IQCB1: variants seen among roughly 807,000 people sequenced by gnomAD.
The protein encoded by IQCB1 is IQ calmodulin-binding motif-containing protein 1.
A neutral mutation model predicts 84.4 loss-of-function variants in IQCB1; 56 were observed. The observed-to-expected ratio is 0.66, with a 90% CI of 0.54 to 0.83. The LOEUF (loss-of-function observed/expected upper bound fraction) is 0.83. Among genes scored for constraint, IQCB1 ranks in the 40% least tolerant of loss-of-function variants. The pLI, the probability that IQCB1 is intolerant of heterozygous loss-of-function variation, is 0.00. For missense variants in IQCB1, 629 were observed against 682.1 expected, an observed-to-expected ratio of 0.92 and a Z score of 0.87; for synonymous variants, 210 against 234.8, an observed-to-expected ratio of 0.89 and a Z score of 0.96.
rs750584360 is a variant in IQCB1, at chr3:121,770,461, G to T, written c.1681C>A (p.Gln561Lys). 2 of 1,614,200 alleles carry T rather than the reference G, an allele frequency of 1.2e-6. No homozygotes were observed. Among genetic ancestry groups the T allele is most frequent in the South Asian group, 2.2e-5 (2 of 91,084 alleles). The change falls in exon 15 of 15, where the codon CAA becomes AAA. Residue 561 changes from glutamine (Q) to lysine (K), a missense_variant. Transcript: ENST00000310864. ...QAHLTTLKHIQAPWWKKLGEE... is the reference protein window; with the variant it reads ...QAHLTTLKHIKAPWWKKLGEE... ...CCAAGCTTCTTCCACCAGGGTGCTT[G>T]TATGTGCTTCAGGGTTGTGAGATGG...
chr3:121,770,686 G>A lies in IQCB1; in HGVS notation c.1568-112C>T, dbSNP rs919244680. ...CAGGCAGAAACAGCATTCCAACTCT[G>A]AATGTACTACTTTTGAGAAAGGGTC... On this transcript the variant is annotated intron_variant, in intron 14 of 14. Coordinates refer to ENST00000310864, the MANE Select transcript of IQCB1 (RefSeq NM_001023570.4). 5 of 835,008 alleles carry A rather than the reference G, an allele frequency of 6.0e-6. No individual in the cohort carries two copies. The African/African-American group carries it at 6.6e-5, about 11-fold the overall frequency. 51.7% of individuals were successfully genotyped at this position (835,008 alleles called of 1,614,324 possible).
At chr3:121,793,727 G>A (rs552757460) in intron 10 of IQCB1, among the ~76,000 whole-genome samples, 20 of 152,212 alleles carry the variant, frequency 1.3e-4, no homozygotes, top group Admixed American at 6.5e-4. Context: ...CTTTTTAATG[G>A]AAGTATTTAT....
At chr3:121,793,289 A>G (rs921672290) in intron 10 of IQCB1, among the ~76,000 whole-genome samples, 12 of 152,312 alleles carry the variant, frequency 7.9e-5, no homozygotes, top group African/African-American at 2.6e-4. Flanking sequence ...TGAATACGAG[A>G]AATGACTAAA....
intron 7 of IQCB1, among the ~76,000 whole-genome samples, chr3:121,801,640 C>T (rs1258594162): frequency 6.6e-6 from 1 of 151,972 alleles, no homozygotes; most frequent in Non-Finnish European, 1.5e-5. Context: ...ATCAGTTTGA[C>T]ATGTTTCACC....
rs772003773 is a variant in IQCB1, at chr3:121,781,818, T to A, written c.1335A>T (p.Arg445=). The A allele has an allele frequency of 1.1e-4, 171 of 1,613,878 alleles. No individual in the cohort carries two copies. The highest frequency in any genetic ancestry group is 1.6e-4 in the Middle Eastern group (1 of 6,062). The change falls in exon 13 of 15, where the codon CGA becomes CGT. Residue 445 remains arginine (R), a synonymous_variant. Transcript: ENST00000310864. ...GTGCATCAGTGAGTTCTTGGAGTCC[T>A]CGCCAAGGAGCAAATAGTTTCTTTT... ...RKKKKLFAPW[R]GLQELTDARR...
chr3:121,797,352 T>C (rs1949240124), intron 8 of IQCB1, 125 bp from the exon 9 acceptor site: 3 of 523,282 alleles, frequency 5.7e-6, no homozygotes, highest in Admixed American at 3.4e-5. Context: ...AGATTAATCA[T>C]ATGATTTTTC....
At chr3:121,821,719 A>G (rs1219895983) in intron 5 of IQCB1, among the ~76,000 whole-genome samples, 1 of 152,188 alleles carries the variant, frequency 6.6e-6, no homozygotes, top group African/African-American at 2.4e-5. Context: ...GACCAAATGT[A>G]TAAACTCGGG....
intron 8 of IQCB1, among the ~76,000 whole-genome samples, chr3:121,798,471 A>C (rs533247934): frequency 1.3e-5 from 2 of 151,940 alleles, no homozygotes; most frequent in South Asian, 2.1e-4. Flanking sequence ...ATAACATATA[A>C]CTTTGCTTGG....
In IQCB1 at chr3:121,786,583, T is replaced by C. The variant is rs1048486879; in HGVS notation, c.1278+1701A>G. 2.6e-5 allele frequency among the ~76,000 whole-genome samples: 4 copies of C among 152,200 alleles called. No homozygotes were observed. The South Asian group carries it at 8.3e-4, about 31-fold the overall frequency. Reference sequence around the variant, plus strand: ...CTTCATCTTATTTTTATTAATGAGATGCAAAGACTATAAACATGACCTTGA... The same window carrying C: ...CTTCATCTTATTTTTATTAATGAGACGCAAAGACTATAAACATGACCTTGA... On this transcript the variant is annotated intron_variant, in intron 12 of 14. Coordinates refer to ENST00000310864, the MANE Select transcript of IQCB1 (RefSeq NM_001023570.4).
In IQCB1 at chr3:121,834,391, C is replaced by T. The variant is rs1708140098; in HGVS notation, c.-13G>A. ...TATTTATCTATTTTAAGGCTACTACCCTGTTGCCAGGCCACCGGGTCCGGC... is the reference window on the plus strand; with the variant it reads ...TATTTATCTATTTTAAGGCTACTACTCTGTTGCCAGGCCACCGGGTCCGGC... On this transcript the variant is annotated splice_region_variant and 5_prime_UTR_variant, in exon 2 of 15. Coordinates refer to ENST00000310864, the MANE Select transcript of IQCB1 (RefSeq NM_001023570.4). The T allele has an allele frequency of 6.6e-6, 1 of 152,160 alleles. No homozygotes were observed. The allele number at this position is 152,160 out of a possible 1,614,324, so 9.4% of individuals were successfully genotyped here.
intron 4 of IQCB1, among the ~76,000 whole-genome samples, chr3:121,826,510 A>C (rs1460459030): frequency 1.3e-5 from 2 of 152,218 alleles, no homozygotes; most frequent in African/African-American, 2.4e-5. Context: ...ATACCTTGAG[A>C]GTTTAATTTA....
chr3:121,779,537 A>G (rs7647007), intron 13 of IQCB1, among the ~76,000 whole-genome samples: 152,049 of 152,280 alleles, frequency 1, 75,911 homozygotes, highest in East Asian at 1. Flanking sequence ...TGAACATATA[A>G]AATACAGTTA....
intron 13 of IQCB1, among the ~76,000 whole-genome samples, chr3:121,780,518 A>G (rs1482816971): frequency 6.6e-6 from 1 of 152,128 alleles, no homozygotes; most frequent in African/African-American, 2.4e-5. Flanking sequence ...CTCTTTCTCC[A>G]CAGACTCCAT....
intron 12 of IQCB1, among the ~76,000 whole-genome samples, chr3:121,783,050 C>T (rs1387138569): frequency 1.3e-5 from 2 of 152,174 alleles, no homozygotes; most frequent in African/African-American, 4.8e-5. Context: ...ACATGTGACA[C>T]ACTACATGAC....
rs1390708982 is a variant in IQCB1, at chr3:121,797,188, T to C, written c.806A>G (p.Glu269Gly). 4.3e-6 allele frequency: 7 copies of C among 1,609,544 alleles called. No homozygotes were observed. The South Asian group carries it at 7.7e-5, about 18-fold the overall frequency. The change falls in exon 9 of 15, where the codon GAA (glutamate) becomes GGA (glycine). Residue 269 changes from glutamate to glycine, a missense_variant. Physicochemically the swap from Glu to Gly is moderately conservative, Grantham distance 98. Transcript: ENST00000310864. ...RLLSKQETGT[E>G]FSQELRQLVG... ...AAGCTGTCTAAGTTCTTGACTGAATTCAGTCCCAGTTTCCTGTTTACTTAG... is the reference window on the plus strand; with the variant it reads ...AAGCTGTCTAAGTTCTTGACTGAATCCAGTCCCAGTTTCCTGTTTACTTAG...
chr3:121,772,648 G>C lies in IQCB1; in HGVS notation c.1476C>G (p.His492Gln). ...CTTCTAGGGCCCTGCCCATAAAGTAGTGTTGCAGTCGTTCTTGAGCTTGGG... is the reference window on the plus strand; with the variant it reads ...CTTCTAGGGCCCTGCCCATAAAGTACTGTTGCAGTCGTTCTTGAGCTTGGG... Reference protein sequence around the residue: ...LHAQAQERLQHYFMGRALEER... With the variant: ...LHAQAQERLQQYFMGRALEER... Residue 492 changes from histidine to glutamine, a missense_variant, in exon 14 of 15, where the codon CAC becomes CAG. By Grantham distance (24) the His-to-Gln change is conservative (BLOSUM62 0). Coordinates refer to ENST00000310864, the MANE Select transcript of IQCB1 (RefSeq NM_001023570.4). 2 of 1,614,198 alleles carry C rather than the reference G, an allele frequency of 1.2e-6. No individual in the cohort carries two copies. Among genetic ancestry groups the C allele is most frequent in the Non-Finnish European group, 1.7e-6 (2 of 1,180,038 alleles).
chr3:121,808,112 A>T (rs939756228), intron 6 of IQCB1, among the ~76,000 whole-genome samples: 1 of 152,006 alleles, frequency 6.6e-6, no homozygotes, highest in Admixed American at 6.6e-5. Flanking sequence ...TCCATGCTCA[A>T]TAACTGAGCA....
intron 7 of IQCB1, among the ~76,000 whole-genome samples, chr3:121,800,528 G>T (rs1202641184): frequency 6.6e-6 from 1 of 150,910 alleles, no homozygotes; most frequent in African/African-American, 2.5e-5. Flanking sequence ...CTGTGCCACT[G>T]TGTCTCTTAC....
chr3:121,788,391 C>A lies in IQCB1; in HGVS notation c.1171G>T (p.Ala391Ser). Residue 391 changes from alanine (A) to serine (S), a missense_variant, in exon 12 of 15, where the codon GCA (alanine) becomes TCA (serine). Coordinates refer to ENST00000310864, the MANE Select transcript of IQCB1 (RefSeq NM_001023570.4). ...CTCCAATGTTTCTGGATAATCAGTGCTGATTTCTCTTCCATTTCCCGATAG... is the reference window on the plus strand; with the variant it reads ...CTCCAATGTTTCTGGATAATCAGTGATGATTTCTCTTCCATTTCCCGATAG... Reference protein sequence around the residue: ...KHYREMEEKSALIIQKHWRGY... With the variant: ...KHYREMEEKSSLIIQKHWRGY... 6.2e-7 allele frequency: 1 copy of A among 1,613,794 alleles called. No individual in the cohort carries two copies. The highest frequency in any genetic ancestry group is 8.5e-7 in the Non-Finnish European group (1 of 1,179,764).
Sources: gnomAD v4.1 joint callset for allele counts (sites outside exome capture counted in the v4.1 genomes callset) on GRCh38, gnomAD v4.1.1 for gene constraint, MANE v1.5 for transcripts, NCBI Gene and HGNC (gene_info 2026-07-23, HGNC 2026-07-21) for gene names.